NKAIN2: variants seen among roughly 807,000 people sequenced by gnomAD.
NKAIN2 encodes sodium/potassium-transporting ATPase subunit beta-1-interacting protein 2.
A neutral mutation model predicts 32.6 loss-of-function variants in NKAIN2; 14 were observed. The observed-to-expected ratio is 0.43, with a 90% CI of 0.28 to 0.67. The LOEUF (loss-of-function observed/expected upper bound fraction) is 0.67. NKAIN2 is among the 30% of genes least tolerant of loss of function. The pLI, the probability that NKAIN2 is intolerant of heterozygous loss-of-function variation, is 0.17. For synonymous variants in NKAIN2, 80 were observed against 87.2 expected (o/e 0.92, Z 0.46); for missense variants, 198 against 258.3 (o/e 0.77, Z 1.60).
chr6:124,793,114 T>C (rs1029102385), intron 5 of NKAIN2, among the ~76,000 whole-genome samples: 4 of 151,962 alleles, frequency 2.6e-5, no homozygotes, highest in Non-Finnish European at 4.4e-5. Flanking sequence ...AGATGTGCCA[T>C]GAGACATGCC....
At chr6:123,829,211 A>G (rs1218758098) in intron 1 of NKAIN2, 1 of 152,154 alleles carries the variant, frequency 6.6e-6, no homozygotes, top group Non-Finnish European at 1.5e-5. Flanking sequence ...TCCTTAAGCA[A>G]TCTTGTCCAT....
At chr6:124,410,496 T>G (rs1774108953) in intron 3 of NKAIN2, among the ~76,000 whole-genome samples, 1 of 152,204 alleles carries the variant, frequency 6.6e-6, no homozygotes, top group South Asian at 2.1e-4. Context: ...TTCCATGTAG[T>G]TGAGCGGTTT....
At position 124,608,111 on chromosome 6, in the gene NKAIN2, C is replaced by A. The variant is rs188351445; in HGVS notation, c.274-50075C>A. On this transcript the variant is annotated intron_variant, in intron 3 of 6. Coordinates refer to ENST00000368417, the MANE Select transcript of NKAIN2 (RefSeq NM_001040214.3). ...TAGATTTATTGATAGATACATATATCTTGCTCACAAACCGAAGCCAAAAAG... is the reference window on the plus strand; with the variant it reads ...TAGATTTATTGATAGATACATATATATTGCTCACAAACCGAAGCCAAAAAG... 3.3e-5 allele frequency among the ~76,000 whole-genome samples: 5 copies of A among 152,266 alleles called. No homozygotes were observed. In the East Asian group the frequency reaches 7.7e-4, roughly 24 times the overall value.
intron 1 of NKAIN2, among the ~76,000 whole-genome samples, chr6:123,939,372 GACCCATTTACATATCCTCATA>G (rs1776710930): frequency 6.6e-6 from 1 of 151,868 alleles, no homozygotes; most frequent in Non-Finnish European, 1.5e-5. Flanking sequence ...AACACCAGTG[GACCCATTTACATATCCTCATA>G]ACCCATTTAC....
intron 3 of NKAIN2, among the ~76,000 whole-genome samples, chr6:124,459,360 C>T (rs915693390): frequency 6.6e-6 from 1 of 151,776 alleles, no homozygotes; most frequent in Non-Finnish European, 1.5e-5. Context: ...TACCTTAGTA[C>T]ATTTACATTA....
chr6:124,570,028 T>A (rs1425710381), intron 3 of NKAIN2, among the ~76,000 whole-genome samples: 1 of 152,176 alleles, frequency 6.6e-6, no homozygotes, highest in African/African-American at 2.4e-5. Flanking sequence ...AGTTGGGAAC[T>A]GGAGCGAAGG....
At chr6:124,461,326 C>T (rs1776522301) in intron 3 of NKAIN2, among the ~76,000 whole-genome samples, 1 of 151,452 alleles carries the variant, frequency 6.6e-6, no homozygotes, top group Non-Finnish European at 1.5e-5. Context: ...TGCGTGTGCA[C>T]AGAAAGACTG....
intron 5 of NKAIN2, among the ~76,000 whole-genome samples, chr6:124,793,360 G>C (rs903956826): frequency 2.6e-5 from 4 of 152,120 alleles, no homozygotes; most frequent in Non-Finnish European, 5.9e-5. Flanking sequence ...TTTATTCAAA[G>C]ATTAGGAAAG....
At chr6:124,412,832 C>T (rs933358332) in intron 3 of NKAIN2, among the ~76,000 whole-genome samples, 19 of 152,224 alleles carry the variant, frequency 1.2e-4, no homozygotes, top group Non-Finnish European at 2.8e-4. Context: ...CCAGTTCGAG[C>T]TTCCTGGCTG....
chr6:123,941,276 T>A (rs555585209), intron 1 of NKAIN2, among the ~76,000 whole-genome samples: 201 of 145,124 alleles, frequency 1.4e-3, no homozygotes, highest in Non-Finnish European at 2.4e-3. Flanking sequence ...ATACTTAATA[T>A]TTTTTTTTTA....
At chr6:124,732,049 C>CTAAATGA (rs1160128850) in intron 4 of NKAIN2, among the ~76,000 whole-genome samples, 10 of 151,958 alleles carry the variant, frequency 6.6e-5, no homozygotes, top group Non-Finnish European at 1.3e-4. Context: ...AAATATCATT[C>CTAAATGA]TAATAGTGCA....
intron 3 of NKAIN2, among the ~76,000 whole-genome samples, chr6:124,383,570 C>T (rs1454430327): frequency 1.3e-5 from 2 of 152,134 alleles, no homozygotes; most frequent in Non-Finnish European, 2.9e-5. Flanking sequence ...TGGCCACACA[C>T]GTGCTGTTCC....
chr6:124,777,433 G>A (rs1344449649), intron 4 of NKAIN2, among the ~76,000 whole-genome samples: 1 of 152,114 alleles, frequency 6.6e-6, no homozygotes, highest in Non-Finnish European at 1.5e-5. Context: ...ACTTCTCTAT[G>A]CCACCAATTC....
rs1461560993 is a variant in NKAIN2, at chr6:124,295,994, A to G, written c.192+12852A>G. ...AGTAAAAAAGACTATCTCAATGAAT[A>G]ACATCACTGTTTATGTATAAAGAAC... On this transcript the variant is annotated intron_variant, in intron 2 of 6. Transcript: ENST00000368417. Among the ~76,000 whole-genome samples, 3 of 152,290 alleles carry G rather than the reference A, an allele frequency of 2.0e-5. No homozygotes were observed. The East Asian group carries it at 5.8e-4, about 29-fold the overall frequency.
intron 1 of NKAIN2, among the ~76,000 whole-genome samples, chr6:124,033,883 C>A (rs1421780640): frequency 6.6e-6 from 1 of 152,004 alleles, no homozygotes; most frequent in African/African-American, 2.4e-5. Context: ...TTACATATAC[C>A]TCTCTGTTGG....
At chr6:124,027,780 G>A (rs1239288238) in intron 1 of NKAIN2, among the ~76,000 whole-genome samples, 1 of 151,880 alleles carries the variant, frequency 6.6e-6, no homozygotes, top group African/African-American at 2.4e-5. Flanking sequence ...CCTGACTCAA[G>A]GCTTATAATC....
In NKAIN2 at chr6:123,893,663, G is replaced by T. The variant is rs188165565; in HGVS notation, c.54+89409G>T. On this transcript the variant is annotated intron_variant, in intron 1 of 6. Transcript: ENST00000368417. Reference sequence around the variant, plus strand: ...ATATAGTGGTAGAGCAAAGCTCAGGGCTTAGGTTATTTGTCCTTTTAAATT... The same window carrying T: ...ATATAGTGGTAGAGCAAAGCTCAGGTCTTAGGTTATTTGTCCTTTTAAATT... Among the ~76,000 whole-genome samples the T allele has an allele frequency of 3.0e-3, 462 of 152,284 alleles. 2 individuals carry two copies. Among genetic ancestry groups the T allele is most frequent in the African/African-American group, 0.01 (428 of 41,558 alleles).
At chr6:124,293,430 C>A (rs562628934) in intron 2 of NKAIN2, among the ~76,000 whole-genome samples, 3 of 151,720 alleles carry the variant, frequency 2.0e-5, no homozygotes, top group Non-Finnish European at 4.4e-5. Flanking sequence ...TAAAATTATG[C>A]GGCCTTAAGA....
intron 3 of NKAIN2, among the ~76,000 whole-genome samples, chr6:124,555,176 T>C (rs1780427356): frequency 6.6e-6 from 1 of 152,332 alleles, no homozygotes; most frequent in East Asian, 1.9e-4. Context: ...ATTACTTCCA[T>C]GCTGGGCACA....
Sources: allele counts gnomAD v4.1 joint callset (sites outside exome capture counted in the v4.1 genomes callset), GRCh38; gene constraint gnomAD v4.1.1; transcripts MANE v1.5; gene names NCBI Gene and HGNC (gene_info 2026-07-23, HGNC 2026-07-21).